The following LOC128706666 variants were observed in gnomAD, a reference collection of about 807,000 sequenced individuals.
chr20:10,420,467 T>C, the LOC128706666 span: 1 of 152,220 alleles, frequency 6.6e-6, no homozygotes, highest in Non-Finnish European at 1.5e-5. Flanking sequence ...ATCTAAAAGA[T>C]TGAGTTTCCC....
the LOC128706666 span, among the ~76,000 whole-genome samples, chr20:10,416,566 C>T: frequency 3.3e-5 from 5 of 152,048 alleles, no homozygotes; most frequent in South Asian, 8.3e-4. Context: ...AACAAAAACC[C>T]TAAGTGGCTT....
the LOC128706666 span, among the ~76,000 whole-genome samples, chr20:10,414,100 C>T: frequency 1.3e-5 from 2 of 152,108 alleles, no homozygotes; most frequent in African/African-American, 2.4e-5. Context: ...CTTAAAATTC[C>T]TTTATTCTTC....
At chr20:10,419,113 C>T in the LOC128706666 span, among the ~76,000 whole-genome samples, 14 of 151,946 alleles carry the variant, frequency 9.2e-5, no homozygotes, top group Admixed American at 5.2e-4. Context: ...AATCTCAGAC[C>T]AAGGCTTATA....
At chr20:10,433,745 G>A in the LOC128706666 span, among the ~76,000 whole-genome samples, 1 of 152,120 alleles carries the variant, frequency 6.6e-6, no homozygotes, top group Non-Finnish European at 1.5e-5. Context: ...CAGACAGTCA[G>A]GGGCACACGG....
the LOC128706666 span, among the ~76,000 whole-genome samples, chr20:10,417,057 G>T: frequency 6.6e-6 from 1 of 152,048 alleles, no homozygotes; most frequent in African/African-American, 2.4e-5. Context: ...AAGATCACCT[G>T]GCCAACATGG....
At chr20:10,430,031 C>G in the LOC128706666 span, among the ~76,000 whole-genome samples, 4 of 114,312 alleles carry the variant, frequency 3.5e-5, no homozygotes, top group East Asian at 6.3e-4. Flanking sequence ...TCTTGCAAAA[C>G]AAAAAACAAA....
the LOC128706666 span, among the ~76,000 whole-genome samples, chr20:10,419,866 T>C: frequency 1.3e-5 from 2 of 152,236 alleles, no homozygotes; most frequent in Admixed American, 1.3e-4. Context: ...GAATTTTCTA[T>C]TTAATATTTT....
At chr20:10,424,152 A>G in the LOC128706666 span, among the ~76,000 whole-genome samples, 1 of 152,226 alleles carries the variant, frequency 6.6e-6, no homozygotes, top group Admixed American at 6.5e-5. Context: ...CACTGTACAT[A>G]TAATAGTCCC....
chr20:10,416,617 G>A, the LOC128706666 span, among the ~76,000 whole-genome samples: 34 of 152,230 alleles, frequency 2.2e-4, no homozygotes, highest in African/African-American at 7.5e-4. Flanking sequence ...GGAATTACAG[G>A]GATAAAACAT....
the LOC128706666 span, among the ~76,000 whole-genome samples, chr20:10,428,319 A>T: frequency 6.6e-6 from 1 of 152,232 alleles, no homozygotes; most frequent in Non-Finnish European, 1.5e-5. Flanking sequence ...GTTCCAGATC[A>T]GATACCTAGA....
chr20:10,424,521 C>T, the LOC128706666 span, among the ~76,000 whole-genome samples: 241 of 152,162 alleles, frequency 1.6e-3, 1 homozygote, highest in Middle Eastern at 0.014. Context: ...ATAACCTCTT[C>T]TCAGGGCAAG....
At chr20:10,428,067 A>G in the LOC128706666 span, among the ~76,000 whole-genome samples, 6 of 152,364 alleles carry the variant, frequency 3.9e-5, no homozygotes, top group East Asian at 1.2e-3. Context: ...TGAAAGCATC[A>G]TAAGTCTTAT....
At chr20:10,425,505 T>C in the LOC128706666 span, among the ~76,000 whole-genome samples, 1 of 152,220 alleles carries the variant, frequency 6.6e-6, no homozygotes, top group Non-Finnish European at 1.5e-5. Flanking sequence ...CCTTGACTTT[T>C]AGAAAGGTTC....
chr20:10,415,386 A>G, the LOC128706666 span, among the ~76,000 whole-genome samples: 13 of 152,202 alleles, frequency 8.5e-5, no homozygotes, highest in Admixed American at 4.6e-4. Context: ...AGGTGGGCAG[A>G]ACAAGGGAAT....
At chr20:10,416,798 C>T in the LOC128706666 span, among the ~76,000 whole-genome samples, 2 of 152,050 alleles carry the variant, frequency 1.3e-5, no homozygotes, top group African/African-American at 4.8e-5. Context: ...TAAATTAAGC[C>T]TATGGACCAT....
chr20:10,416,490 TGAC>T, the LOC128706666 span, among the ~76,000 whole-genome samples: 1 of 150,962 alleles, frequency 6.6e-6, no homozygotes, highest in African/African-American at 2.4e-5. Flanking sequence ...AAAAAAAACA[TGAC>T]GACAGCAACA....
the LOC128706666 span, among the ~76,000 whole-genome samples, chr20:10,432,776 C>T: frequency 8.8e-6 from 1 of 113,940 alleles, no homozygotes; most frequent in Non-Finnish European, 1.7e-5. Context: ...CGCGACAGAG[C>T]GAGACTCTTT....
the LOC128706666 span, among the ~76,000 whole-genome samples, chr20:10,421,859 G>A: frequency 3.3e-5 from 5 of 151,906 alleles, no homozygotes; most frequent in African/African-American, 9.7e-5. Flanking sequence ...TGTTGGGTTT[G>A]GGAACTTGAA....
the LOC128706666 span, among the ~76,000 whole-genome samples, chr20:10,424,837 A>C: frequency 1.3e-5 from 2 of 152,132 alleles, no homozygotes; most frequent in Non-Finnish European, 2.9e-5. Context: ...GGATCACCTG[A>C]GGTCAGGAGT....
Sources: allele counts gnomAD v4.1 joint callset (sites outside exome capture counted in the v4.1 genomes callset), GRCh38; gene constraint gnomAD v4.1.1; transcripts MANE v1.5.